The following CTNNA3 variants were observed in gnomAD, a reference collection of about 807,000 sequenced individuals.
CTNNA3 encodes the protein catenin alpha-3.
CTNNA3 carries 76 observed loss-of-function variants against 95.7 expected under a neutral mutation model. That is an observed-to-expected ratio of 0.79 (90% CI 0.66 to 0.96). The LOEUF is 0.96. CTNNA3 is among the 40% of genes least tolerant of loss of function. CTNNA3 has a pLI of 0.00. For synonymous variants in CTNNA3, 431 were observed against 374.4 expected, an observed-to-expected ratio of 1.15 and a Z score of -1.74; for missense variants, 1,191 against 1,089.8, an observed-to-expected ratio of 1.09 and a Z score of -1.31.
chr10:67,062,585 T>C (rs971326278), intron 7 of CTNNA3, among the ~76,000 whole-genome samples: 3 of 152,142 alleles, frequency 2.0e-5, no homozygotes, highest in African/African-American at 4.8e-5. Flanking sequence ...ACACAAAATA[T>C]AAAAATTGGG....
At chr10:66,188,148 A>C (rs12778443) in intron 13 of CTNNA3, among the ~76,000 whole-genome samples, 11,410 of 152,234 alleles carry the variant, frequency 0.075, 538 homozygotes, top group Admixed American at 0.12. Context: ...AAAAAGAATC[A>C]GCAAACATGA....
At chr10:65,944,854 G>GCCTA (rs369542010) in intron 17 of CTNNA3, among the ~76,000 whole-genome samples, 69 of 144,950 alleles carry the variant, frequency 4.8e-4, no homozygotes, top group African/African-American at 1.6e-3. Context: ...GAAAATATCT[G>GCCTA]TCTATCTATC....
chr10:67,185,748 G>A (rs965673989), intron 6 of CTNNA3, among the ~76,000 whole-genome samples: 1 of 152,030 alleles, frequency 6.6e-6, no homozygotes, highest in Non-Finnish European at 1.5e-5. Context: ...TAGGCCAGGT[G>A]CAGTGGCTCA....
chr10:67,502,621 T>C (rs1484947498), intron 5 of CTNNA3, among the ~76,000 whole-genome samples: 1 of 152,192 alleles, frequency 6.6e-6, no homozygotes, highest in Admixed American at 6.5e-5. Flanking sequence ...ATTTTATCTA[T>C]AAGCCCCTGA....
intron 7 of CTNNA3, chr10:67,177,002 G>A (rs545877698): frequency 2.1e-6 from 1 of 487,718 alleles, no homozygotes; most frequent in Middle Eastern, 3.2e-4. Context: ...ACAGAAATTT[G>A]TGTGGTTTAA....
intron 13 of CTNNA3, among the ~76,000 whole-genome samples, chr10:66,223,135 T>A (rs562676473): frequency 6.6e-6 from 1 of 152,228 alleles, no homozygotes; most frequent in Non-Finnish European, 1.5e-5. Context: ...AGAACATCCC[T>A]GAAATGCATC....
chr10:67,697,731 A>G (rs1312811678), upstream of CTNNA3, among the ~76,000 whole-genome samples: 1 of 149,770 alleles, frequency 6.7e-6, no homozygotes, highest in African/African-American at 2.5e-5. Context: ...ATGTAATTTT[A>G]AAGAGCTTTT....
chr10:65,970,349 A>T (rs1250211141), intron 16 of CTNNA3, among the ~76,000 whole-genome samples: 1 of 152,146 alleles, frequency 6.6e-6, no homozygotes, highest in Non-Finnish European at 1.5e-5. Context: ...CCACAGATCT[A>T]TAGCGCAATC....
At chr10:67,274,754 G>A (rs577122301) in intron 5 of CTNNA3, among the ~76,000 whole-genome samples, 1 of 152,098 alleles carries the variant, frequency 6.6e-6, no homozygotes, top group African/African-American at 2.4e-5. Flanking sequence ...CTTGAGCCCA[G>A]GAGGTCAAAG....
At chr10:67,087,619 A>T (rs991564437) in intron 7 of CTNNA3, among the ~76,000 whole-genome samples, 1 of 152,040 alleles carries the variant, frequency 6.6e-6, no homozygotes, top group African/African-American at 2.4e-5. Flanking sequence ...TGGATCTCAA[A>T]CATCATAATG....
At chr10:67,345,138 T>C (rs1266777139) in intron 5 of CTNNA3, among the ~76,000 whole-genome samples, 1 of 152,108 alleles carries the variant, frequency 6.6e-6, no homozygotes. Flanking sequence ...AATTTCCTTT[T>C]ATTTGTATAG....
intron 10 of CTNNA3, among the ~76,000 whole-genome samples, chr10:66,549,281 C>T (rs1331960097): frequency 6.6e-6 from 1 of 152,180 alleles, no homozygotes; most frequent in African/African-American, 2.4e-5. Context: ...CAGGCGTGAG[C>T]CACCACGCCC....
At chr10:67,427,583 C>T (rs1216350185) in intron 5 of CTNNA3, among the ~76,000 whole-genome samples, 2 of 151,988 alleles carry the variant, frequency 1.3e-5, no homozygotes, top group African/African-American at 4.8e-5. Context: ...GATGTAGATA[C>T]TTTTCTCATA....
intron 7 of CTNNA3, among the ~76,000 whole-genome samples, chr10:66,880,506 T>C (rs1054759857): frequency 6.6e-6 from 1 of 152,106 alleles, no homozygotes; most frequent in African/African-American, 2.4e-5. Flanking sequence ...AATCTCTTCC[T>C]ACTAATACAA....
intron 12 of CTNNA3, among the ~76,000 whole-genome samples, chr10:66,291,800 T>C (rs1022578215): frequency 1.3e-5 from 2 of 151,500 alleles, no homozygotes; most frequent in Non-Finnish European, 2.9e-5. Context: ...GTATTTGGCA[T>C]ATATATACAC....
At chr10:66,077,940 AT>A (rs1195955315) in intron 14 of CTNNA3, among the ~76,000 whole-genome samples, 2 of 151,756 alleles carry the variant, frequency 1.3e-5, no homozygotes, top group Non-Finnish European at 3.0e-5. Context: ...AGCCTGGTTG[AT>A]TTGTTTAGGG....
At chr10:67,482,709 C>A (rs1848281719) in intron 5 of CTNNA3, among the ~76,000 whole-genome samples, 1 of 152,118 alleles carries the variant, frequency 6.6e-6, no homozygotes, top group African/African-American at 2.4e-5. Context: ...GACAATTTGA[C>A]TTCCTCTTTT....
At chr10:66,831,667 A>G (rs1842724772) in intron 7 of CTNNA3, among the ~76,000 whole-genome samples, 1 of 152,170 alleles carries the variant, frequency 6.6e-6, no homozygotes, top group Admixed American at 6.5e-5. Context: ...TAGCAATTCA[A>G]TAAAGAGTTG....
At chr10:66,762,622 T>C (rs539135356) in intron 9 of CTNNA3, among the ~76,000 whole-genome samples, 1 of 151,200 alleles carries the variant, frequency 6.6e-6, no homozygotes, top group Non-Finnish European at 1.5e-5. Context: ...GGAACAGGCA[T>C]GTTCAGACCA....
Sources: allele counts gnomAD v4.1 joint callset (sites outside exome capture counted in the v4.1 genomes callset), GRCh38; gene constraint gnomAD v4.1.1; transcripts MANE v1.5; gene names NCBI Gene and HGNC (gene_info 2026-07-23, HGNC 2026-07-21).